SPDYE18: variants seen among roughly 807,000 people sequenced by gnomAD.
SPDYE18 encodes the protein speedy/RINGO cell cycle regulator family member E18.
In SPDYE18, 6 loss-of-function variants were observed where a neutral mutation model predicts 44.9. That is an observed-to-expected ratio of 0.13 (90% confidence interval 0.07 to 0.26). SPDYE18 has a LOEUF of 0.26. SPDYE18 is among the 10% of genes least tolerant of loss of function. SPDYE18 has a pLI of 1.00. For missense variants in SPDYE18, 121 were observed against 463.2 expected (o/e 0.26, Z 6.78); for synonymous variants, 35 against 177.1 (o/e 0.20, Z 6.37).
rs1215923241 is a variant in SPDYE18, at chr7:77,050,991, A to G, written c.*934T>C. ...GTTTTTCAAAATAAACCAATAAATT[A>G]GATAGTATGTATTAGACGTGTTAGT... is the stretch of plus-strand genomic sequence containing the variant. On this transcript the variant is annotated 3_prime_UTR_variant, in exon 9 of 9. Transcript: ENST00000510091. Among the ~76,000 whole-genome samples the G allele has an allele frequency of 1.3e-5, 2 of 151,636 alleles. No homozygotes were observed. The highest frequency in any genetic ancestry group is 6.6e-5 in the Admixed American group (1 of 15,236).
Position 77,051,191 on chromosome 7 carries a change from C to T in SPDYE18, c.*734G>A, listed in dbSNP as rs1460933192. On this transcript the variant is annotated 3_prime_UTR_variant, in exon 9 of 9. Transcript: ENST00000510091. The stretch of plus-strand genomic sequence containing the variant: ...AAGTATCATAGATAAAAAGAGTGCT[C>T]GCTTCAGGAGCACATATAATAATAC... Among the ~76,000 whole-genome samples, 2 of 151,984 alleles carry T rather than the reference C, an allele frequency of 1.3e-5. No homozygotes were observed. The highest frequency in any genetic ancestry group is 2.1e-4 in the South Asian group (1 of 4,830).
rs1362411413 is a variant in SPDYE18 at position 77,050,599 on chromosome 7, T to C, written c.*1326A>G. ...ATATATGAAATATCAAATAAAAATTTATTTTTACAAGAATTTAGGGGAACT... is the reference window on the plus strand; with the variant it reads ...ATATATGAAATATCAAATAAAAATTCATTTTTACAAGAATTTAGGGGAACT... On this transcript the variant is annotated 3_prime_UTR_variant, in exon 9 of 9. Transcript: ENST00000510091. Among the ~76,000 whole-genome samples the C allele has an allele frequency of 6.6e-6, 1 of 152,166 alleles. No homozygotes were observed. The highest frequency in any genetic ancestry group is 1.5e-5 in the Non-Finnish European group (1 of 68,014).
chr7:77,053,771 G>A (rs1489565542), intron 6 of SPDYE18, among the ~76,000 whole-genome samples: 3 of 151,674 alleles, frequency 2.0e-5, no homozygotes, highest in African/African-American at 7.3e-5. Flanking sequence ...CCCAGGAGGC[G>A]GAGGTTGCAG....
rs1235459347 is a variant in SPDYE18 at position 77,053,610 on chromosome 7, C to T, written c.756-407G>A. Among the ~76,000 whole-genome samples, 8 of 152,286 alleles carry T rather than the reference C, an allele frequency of 5.3e-5. No individual in the cohort carries two copies. The East Asian group carries it at 1.5e-3, about 29-fold the overall frequency. Reference sequence around the variant, plus strand: ...ATCCCAGCACTTTAGAATGCTGAAGCAGGTGGATCGCTTGAGACCAGGAGT... The same window carrying T: ...ATCCCAGCACTTTAGAATGCTGAAGTAGGTGGATCGCTTGAGACCAGGAGT... On this transcript the variant is annotated intron_variant, in intron 6 of 8. Transcript: ENST00000510091.
intron 1 of SPDYE18, among the ~76,000 whole-genome samples, chr7:77,061,606 C>A (rs3869210): frequency 1.9e-5 from 2 of 106,922 alleles, no homozygotes; most frequent in Admixed American, 2.2e-4. Context: ...CTAAAAAAAC[C>A]AAACCAAACC....
chr7:77,062,393 G>A (rs1427712347), intron 1 of SPDYE18, among the ~76,000 whole-genome samples, 103 bp downstream of exon 1: 1 of 151,008 alleles, frequency 6.6e-6, no homozygotes, highest in Non-Finnish European at 1.5e-5. Context: ...AATATTAGAA[G>A]ATCAATGTTC....
At chr7:77,052,079 CACTT>C (rs1174172928) in intron 8 of SPDYE18, among the ~76,000 whole-genome samples, 200 bp from the exon 9 acceptor site, 7 of 135,014 alleles carry the variant, frequency 5.2e-5, no homozygotes, top group African/African-American at 1.6e-4. Context: ...CTCCAAAACT[CACTT>C]AATACACCCA....
intron 1 of SPDYE18, among the ~76,000 whole-genome samples, chr7:77,061,377 GT>G (rs1790019669): frequency 7.4e-6 from 1 of 134,548 alleles, no homozygotes; most frequent in South Asian, 2.8e-4. Context: ...TATATATCAA[GT>G]TTTGTATCAT....
At chr7:77,056,683 A>T in intron 4 of SPDYE18, 75 bp from the exon 5 acceptor site, 1 of 1,332,166 alleles carries the variant, frequency 7.5e-7, no homozygotes, top group Non-Finnish European at 1.0e-6. Flanking sequence ...AGCGAGGAGA[A>T]GTGTGCCTCC....
chr7:77,055,581 A>G (rs1409284534), intron 5 of SPDYE18, among the ~76,000 whole-genome samples: 7 of 102,800 alleles, frequency 6.8e-5, no homozygotes, highest in African/African-American at 3.1e-4. Context: ...GGGTGTGTCT[A>G]GGTCGGCTGG....
chr7:77,051,476 T>G lies in SPDYE18; in HGVS notation c.*449A>C, dbSNP rs1166644839. On this transcript the variant is annotated 3_prime_UTR_variant, in exon 9 of 9. Coordinates refer to ENST00000510091, the MANE Select transcript of SPDYE18 (RefSeq NM_001394953.1). ...TCTGTTACAATCTGTGGCACTGATA[T>G]TTCACAAAAGAATTCTGTGCCAATC... Among the ~76,000 whole-genome samples the G allele has an allele frequency of 6.6e-5, 10 of 152,384 alleles. No individual in the cohort carries two copies. The highest frequency in any genetic ancestry group is 2.1e-4 in the South Asian group (1 of 4,830).
rs893430453 is a variant in SPDYE18, at chr7:77,060,563, C to G, written c.-51G>C. The G allele has an allele frequency of 1.0e-5, 16 of 1,534,640 alleles. No homozygotes were observed. Among genetic ancestry groups the G allele is most frequent in the Middle Eastern group, 2.3e-4 (1 of 4,380 alleles). The stretch of plus-strand genomic sequence containing the variant: ...TCCAGAAGAGTATGTTATCAATTCT[C>G]AAGCCTAGGAGAAGTCAGGAGTGGA... On this transcript the variant is annotated 5_prime_UTR_variant, in exon 2 of 9. Transcript: ENST00000510091.
rs1297189940 is a variant in SPDYE18, at chr7:77,051,827, G to C, written c.*98C>G. On this transcript the variant is annotated 3_prime_UTR_variant, in exon 9 of 9. Transcript: ENST00000510091. ...TCCTCTTTCCTGTTGTCTGCCATTA[G>C]CATTGGAATAAAGTTCCTGCTGAAA... 6.6e-6 allele frequency among the ~76,000 whole-genome samples: 1 copy of C among 151,896 alleles called. No individual in the cohort carries two copies. Among genetic ancestry groups the C allele is most frequent in the South Asian group, 2.1e-4 (1 of 4,812 alleles).
rs1790008648 is a variant in SPDYE18, at chr7:77,060,736, C to T, written c.-224G>A. ...AAAAAAAACACATGTAACTGCCAGG[C>T]TGATCTCTTGTCCTGGAGATCCTGG... On this transcript the variant is annotated 5_prime_UTR_variant, in exon 2 of 9. Coordinates refer to ENST00000510091, the MANE Select transcript of SPDYE18 (RefSeq NM_001394953.1). 6.6e-6 allele frequency among the ~76,000 whole-genome samples: 1 copy of T among 151,120 alleles called. No homozygotes were observed.
chr7:77,059,997 G>A lies in SPDYE18; in HGVS notation c.160+356C>T, dbSNP rs1439055904. Among the ~76,000 whole-genome samples, 10 of 145,522 alleles carry A rather than the reference G, an allele frequency of 6.9e-5. 1 individual carries two copies. Among genetic ancestry groups the A allele is most frequent in the Non-Finnish European group, 1.4e-4 (9 of 66,624 alleles). On this transcript the variant is annotated intron_variant, in intron 2 of 8. Coordinates refer to ENST00000510091, the MANE Select transcript of SPDYE18 (RefSeq NM_001394953.1). ...ACACCCTCCTCAGGTTCTCCTTCCT[G>A]ACCGCTGACCCTTCTTTTCTTTTTT... is the stretch of plus-strand genomic sequence containing the variant.
intron 6 of SPDYE18, 85 bp from the exon 7 acceptor site, chr7:77,053,288 G>A (rs1274889510): frequency 2.6e-6 from 4 of 1,542,982 alleles, no homozygotes; most frequent in Admixed American, 1.9e-5. Context: ...AGGAAGGTAA[G>A]GGACTGTCCC....
chr7:77,057,350 C>T (rs1296379561), intron 4 of SPDYE18, among the ~76,000 whole-genome samples: 1 of 151,832 alleles, frequency 6.6e-6, no homozygotes, highest in East Asian at 1.9e-4. Context: ...GTCCTGAGTT[C>T]AAGCAATCCT....
Position 77,051,455 on chromosome 7 carries a change from T to C in SPDYE18, c.*470A>G, listed in dbSNP as rs1266321994. On this transcript the variant is annotated 3_prime_UTR_variant, in exon 9 of 9. Transcript: ENST00000510091. Reference sequence around the variant, plus strand: ...TGCAGAGTGTGCATGAAGCTATCTGTTACAATCTGTGGCACTGATATTTCA... The same window carrying C: ...TGCAGAGTGTGCATGAAGCTATCTGCTACAATCTGTGGCACTGATATTTCA... 6.6e-6 allele frequency among the ~76,000 whole-genome samples: 1 copy of C among 152,282 alleles called. No homozygotes were observed. The highest frequency in any genetic ancestry group is 1.5e-5 in the Non-Finnish European group (1 of 68,044).
chr7:77,051,321 CA>C lies in SPDYE18; in HGVS notation c.*603del, dbSNP rs1675491142. Among the ~76,000 whole-genome samples, 1 of 152,220 alleles carries C rather than the reference CA, an allele frequency of 6.6e-6. No homozygotes were observed. The highest frequency in any genetic ancestry group is 1.5e-5 in the Non-Finnish European group (1 of 68,036). ...TATATATAACAACTATAACTCTCAT[CA>C]AAAAACTACAGGAACAGCATGTTTT... On this transcript the variant is annotated 3_prime_UTR_variant, in exon 9 of 9. Coordinates refer to ENST00000510091, the MANE Select transcript of SPDYE18 (RefSeq NM_001394953.1).
Sources: allele counts gnomAD v4.1 joint callset (sites outside exome capture counted in the v4.1 genomes callset), GRCh38; gene constraint gnomAD v4.1.1; transcripts MANE v1.5; gene names NCBI Gene and HGNC (gene_info 2026-07-23, HGNC 2026-07-21).